Variants in ZNF831 observed in about 807,000 individuals in gnomAD.
ZNF831 encodes the protein chromosome 20 open reading frame 174.
In ZNF831, 59 loss-of-function variants were observed where a neutral mutation model predicts 95.8. That is an observed-to-expected ratio of 0.62 (90% confidence interval 0.50 to 0.77). The LOEUF (loss-of-function observed/expected upper bound fraction) is 0.77, where lower values mean the gene tolerates loss of function less well. ZNF831 is among the 30% of genes least tolerant of loss of function. The pLI is 0.00. For missense variants in ZNF831, 2,205 were observed against 2,164.0 expected (o/e 1.02, Z -0.38); for synonymous variants, 961 against 925.5 (o/e 1.04, Z -0.70).
At chr20:59,151,929 A>G (rs1943335882) in intron 2 of ZNF831, among the ~76,000 whole-genome samples, 1 of 152,176 alleles carries the variant, frequency 6.6e-6, no homozygotes, top group African/African-American at 2.4e-5. Context: ...ATGGTTGAAC[A>G]TGCTGGTGTG....
At chr20:59,222,824 G>A (rs929878139) in intron 4 of ZNF831, among the ~76,000 whole-genome samples, 3 of 152,224 alleles carry the variant, frequency 2.0e-5, no homozygotes, top group Non-Finnish European at 2.9e-5. Flanking sequence ...GAACACCAGG[G>A]ACCTGGCGGT....
chr20:59,154,521 T>C (rs1171850779), intron 2 of ZNF831, among the ~76,000 whole-genome samples: 1 of 152,214 alleles, frequency 6.6e-6, no homozygotes, highest in Non-Finnish European at 1.5e-5. Flanking sequence ...GTCCCTCTTC[T>C]TCAGACTCCA....
chr20:59,193,874 T>C lies in ZNF831; in HGVS notation c.2855T>C (p.Leu952Ser), dbSNP rs780513428. Residue 952 changes from leucine (L) to serine (S), a missense_variant, in exon 2 of 6, where the codon TTA becomes TCA. Leu to Ser is a moderately radical substitution (Grantham distance 145, BLOSUM62 -2). Coordinates refer to ENST00000371030, the MANE Select transcript of ZNF831 (RefSeq NM_178457.3). ...AGGTTACCTCAGGCAGAGACCCCCT[T>C]ACCACTGCCCATTCCCTGGGGACCA... ...LLRLPQAETPLPLPIPWGPRH... is the reference protein window; with the variant it reads ...LLRLPQAETPSPLPIPWGPRH... 1.9e-6 allele frequency: 3 copies of C among 1,611,658 alleles called. No individual in the cohort carries two copies. Among genetic ancestry groups the C allele is most frequent in the Non-Finnish European group, 2.5e-6 (3 of 1,178,782 alleles).
At chr20:59,196,966 T>G (rs1984166197) in intron 3 of ZNF831, among the ~76,000 whole-genome samples, 1 of 151,710 alleles carries the variant, frequency 6.6e-6, no homozygotes, top group African/African-American at 2.4e-5. Context: ...TTTGTATTTT[T>G]AGTAGAGACG....
chr20:59,166,206 T>C (rs138410543), intron 1 of ZNF831, among the ~76,000 whole-genome samples: 114 of 152,306 alleles, frequency 7.5e-4, no homozygotes, highest in Non-Finnish European at 1.3e-3. Context: ...AAATGGTCTG[T>C]GCAGAGTCGG....
rs543225003 is a variant in ZNF831 at position 59,217,199 on chromosome 20, AC to A, written c.4027+10144del. On this transcript the variant is annotated intron_variant, in intron 4 of 5. Transcript: ENST00000371030. This position sits in a 1 kb window ranked among gnomAD's most constrained non-coding sequence, Gnocchi z 4.4. Reference sequence around the variant, plus strand: ...GTGTGTGTGTGTGTGTGTGTGTAACACAGCAGCAGCACACTGCACATCTCAT... The same window carrying A: ...GTGTGTGTGTGTGTGTGTGTGTAACAAGCAGCAGCACACTGCACATCTCAT... 6.1e-4 allele frequency among the ~76,000 whole-genome samples: 69 copies of A among 112,402 alleles called. No homozygotes were observed. Among genetic ancestry groups the A allele is most frequent in the African/African-American group, 3.2e-3 (69 of 21,388 alleles). The allele number at this position is 112,402 out of a possible 152,430, so 73.7% of individuals were successfully genotyped here.
intron 4 of ZNF831, among the ~76,000 whole-genome samples, chr20:59,236,236 A>G (rs1390019882): frequency 6.6e-6 from 1 of 152,212 alleles, no homozygotes; most frequent in Non-Finnish European, 1.5e-5. Flanking sequence ...CAAAAAGCAC[A>G]GGATGTCTGT....
chr20:59,194,527 A>C lies in ZNF831; in HGVS notation c.3508A>C (p.Thr1170Pro). ...CCACAGCACCCGCAGTCCCCACAGC[A>C]CCCAAAACCCCTTTCCCTCACTGAA... is the stretch of plus-strand genomic sequence containing the variant. ...RSHSTRSPHS[T>P]QNPFPSLKAE... is the part of the protein sequence containing the mutation. Residue 1170 changes from threonine (T) to proline (P), a missense_variant, in exon 2 of 6, where the codon ACC becomes CCC. By Grantham distance (38) the Thr-to-Pro change is conservative (BLOSUM62 -1). Transcript: ENST00000371030. The C allele has an allele frequency of 6.2e-7, 1 of 1,606,612 alleles. No individual in the cohort carries two copies. The highest frequency in any genetic ancestry group is 1.1e-5 in the South Asian group (1 of 89,778).
At chr20:59,182,971 C>T (rs559785888) in intron 1 of ZNF831, among the ~76,000 whole-genome samples, 25 of 152,302 alleles carry the variant, frequency 1.6e-4, no homozygotes, top group African/African-American at 3.4e-4. Flanking sequence ...CATTCACCTG[C>T]GCACATAAGG....
In ZNF831 at chr20:59,191,569, C is replaced by T. The variant is rs2146549814; in HGVS notation, c.550C>T (p.Gln184Ter). The T allele has an allele frequency of 6.2e-7, 1 of 1,612,322 alleles. No individual in the cohort carries two copies. Among genetic ancestry groups the T allele is most frequent in the South Asian group, 1.1e-5 (1 of 90,964 alleles). ...CATCGIAFKTQSNLYKHRRTQ... is the reference protein window; with the variant it reads ...CATCGIAFKT Reference sequence around the variant, plus strand: ...CACCTGCGGCATCGCCTTTAAGACCCAGAGCAATCTCTACAAGCACAGGCG... The same window carrying T: ...CACCTGCGGCATCGCCTTTAAGACCTAGAGCAATCTCTACAAGCACAGGCG... The change falls in exon 2 of 6, where the codon CAG becomes TAG. Residue 184 changes from glutamine to a stop codon, truncating the protein, a stop_gained. Transcript: ENST00000371030. LOFTEE classifies it high-confidence loss of function.
At chr20:59,209,245 C>T (rs1465122273) in intron 4 of ZNF831, among the ~76,000 whole-genome samples, 1 of 152,230 alleles carries the variant, frequency 6.6e-6, no homozygotes, top group Non-Finnish European at 1.5e-5. Flanking sequence ...TCATCATATG[C>T]TCAGCATTAT....
chr20:59,240,488 T>C (rs1465409290), intron 4 of ZNF831, among the ~76,000 whole-genome samples: 1 of 152,080 alleles, frequency 6.6e-6, no homozygotes, highest in African/African-American at 2.4e-5. Context: ...GATTTACTGA[T>C]TGATTTGGTT....
rs2146770604 is a variant in ZNF831, at chr20:59,254,486, A to G, written c.4777A>G (p.Arg1593Gly). The change falls in exon 6 of 6, where the codon AGA becomes GGA. Residue 1593 changes from arginine (R) to glycine (G), a missense_variant. Coordinates refer to ENST00000371030, the MANE Select transcript of ZNF831 (RefSeq NM_178457.3). This position sits in a 1 kb window ranked among gnomAD's most constrained non-coding sequence, Gnocchi z 4.5. ...EGRHKTFFPS[R>G]GQYGCGEMTV... ...GAGACACAAGACGTTTTTTCCTTCC[A>G]GAGGCCAGTATGGGTGTGGGGAAAT... 6.2e-7 allele frequency: 1 copy of G among 1,614,188 alleles called. No homozygotes were observed. Among genetic ancestry groups the G allele is most frequent in the Non-Finnish European group, 8.5e-7 (1 of 1,180,024 alleles).
chr20:59,162,573 T>C (rs760053642), upstream of ZNF831, among the ~76,000 whole-genome samples: 1 of 152,182 alleles, frequency 6.6e-6, no homozygotes. Flanking sequence ...TGTTTATTTT[T>C]GTTGACTTTG....
At chr20:59,210,002 T>C (rs11086668) in intron 4 of ZNF831, among the ~76,000 whole-genome samples, 12,393 of 152,220 alleles carry the variant, frequency 0.081, 713 homozygotes, top group East Asian at 0.27. Flanking sequence ...GTCATACCCA[T>C]CCACAGGTTC....
intron 1 of ZNF831, among the ~76,000 whole-genome samples, chr20:59,138,368 T>C (rs1178378774): frequency 6.7e-6 from 1 of 149,532 alleles, no homozygotes; most frequent in Non-Finnish European, 1.5e-5. Context: ...TTCAGGGTGC[T>C]GAGTGGCTCC....
intron 4 of ZNF831, among the ~76,000 whole-genome samples, chr20:59,242,529 A>G (rs1173823332): frequency 1.3e-5 from 2 of 152,248 alleles, no homozygotes; most frequent in Non-Finnish European, 2.9e-5. Context: ...TTTAAATATG[A>G]CTTTCCGCTA....
chr20:59,161,764 T>C (rs945905521), upstream of ZNF831, among the ~76,000 whole-genome samples: 2 of 152,208 alleles, frequency 1.3e-5, no homozygotes, highest in African/African-American at 4.8e-5. Flanking sequence ...TTATCTTCCT[T>C]TGGGTAGATA....
At chr20:59,156,792 C>T (rs1008513179) in intron 2 of ZNF831, among the ~76,000 whole-genome samples, 5 of 152,198 alleles carry the variant, frequency 3.3e-5, no homozygotes, top group Non-Finnish European at 7.3e-5. Flanking sequence ...GCTTATTTCA[C>T]TGAGAATAAC....
Sources: gnomAD v4.1 joint callset for allele counts (sites outside exome capture counted in the v4.1 genomes callset) on GRCh38, gnomAD v4.1.1 for gene constraint, Gnocchi (gnomAD v3.1) non-coding constraint, MANE v1.5 for transcripts, NCBI Gene and HGNC (gene_info 2026-07-23, HGNC 2026-07-21) for gene names.